The following PLEKHG4B variants were observed in gnomAD, a reference collection of about 807,000 sequenced individuals.
PLEKHG4B encodes the protein pleckstrin homology and RhoGEF domain containing G4B.
Under a neutral mutation model 121.3 loss-of-function variants are expected in PLEKHG4B, and 111 were observed. That is an observed-to-expected ratio of 0.92 (90% CI 0.78 to 1.07). The LOEUF (loss-of-function observed/expected upper bound fraction) is 1.07. PLEKHG4B is among the 50% of genes least tolerant of loss of function. The pLI is 0.00. For missense variants in PLEKHG4B, 1,831 were observed against 1,757.8 expected (o/e 1.04, Z -0.74); for synonymous variants, 738 against 725.0 (o/e 1.02, Z -0.29).
chr5:169,681 GC>G, intron 14 of PLEKHG4B, 89 bp downstream of exon 14: 2 of 1,553,970 alleles, frequency 1.3e-6, no homozygotes, highest in Non-Finnish European at 1.7e-6. Context: ...CACGTGTCAG[GC>G]GGTTGGAATA....
intron 1 of PLEKHG4B, among the ~76,000 whole-genome samples, chr5:109,974 G>A (rs3893855): frequency 0.014 from 1,995 of 138,504 alleles, 37 homozygotes; most frequent in African/African-American, 0.052. Flanking sequence ...TGCACACACC[G>A]GTTGCTCTGC....
At chr5:120,986 C>T (rs960179934) in intron 2 of PLEKHG4B, among the ~76,000 whole-genome samples, 7 of 152,146 alleles carry the variant, frequency 4.6e-5, no homozygotes, top group African/African-American at 1.7e-4. Context: ...GTGGCTCACG[C>T]CTGTAATCCC....
chr5:144,642 C>T (rs1579285576), intron 5 of PLEKHG4B, among the ~76,000 whole-genome samples, 185 bp from the exon 6 acceptor site: 1 of 152,174 alleles, frequency 6.6e-6, no homozygotes, highest in Admixed American at 6.5e-5. Context: ...ACGAGAGGAA[C>T]AACGTCAGTG....
At chr5:128,706 G>A (rs919642635) in intron 2 of PLEKHG4B, among the ~76,000 whole-genome samples, 1 of 152,220 alleles carries the variant, frequency 6.6e-6, no homozygotes, top group Non-Finnish European at 1.5e-5. Context: ...TTCTGCCAGT[G>A]CAGGTGTTGT....
intron 1 of PLEKHG4B, among the ~76,000 whole-genome samples, chr5:109,479 C>T (rs1734074950): frequency 6.6e-6 from 1 of 151,868 alleles, no homozygotes; most frequent in African/African-American, 2.4e-5. Context: ...TACCCACCCC[C>T]AGGTGCCACA....
intron 13 of PLEKHG4B, among the ~76,000 whole-genome samples, chr5:164,709 C>T (rs1362863007): frequency 2.3e-4 from 15 of 65,250 alleles, no homozygotes; most frequent in Admixed American, 4.1e-4. Context: ...AATGCTCTGA[C>T]GGGGCGGAGC....
In PLEKHG4B at chr5:126,068, T is replaced by C. The variant is rs1375239365; in HGVS notation, c.243+12620T>C. 4.6e-5 allele frequency among the ~76,000 whole-genome samples: 7 copies of C among 152,230 alleles called. No individual in the cohort carries two copies. In the South Asian group the frequency reaches 1.2e-3, roughly 27 times the overall value. The stretch of plus-strand genomic sequence containing the variant: ...TCAAAAGCTGGATTATAATGTGTTT[T>C]GGTGTGGGTCTCTTTGACTTCCTCT... On this transcript the variant is annotated intron_variant, in intron 2 of 19. Coordinates refer to ENST00000637938, the MANE Select transcript of PLEKHG4B (RefSeq NM_052909.5).
At position 125,524 on chromosome 5, in the gene PLEKHG4B, T is replaced by C. The variant is rs1292867153; in HGVS notation, c.243+12076T>C. 3.3e-5 allele frequency among the ~76,000 whole-genome samples: 5 copies of C among 152,194 alleles called. No homozygotes were observed. The East Asian group carries it at 9.6e-4, about 29-fold the overall frequency. ...ATGTCAGAAAATTACATCTTTATACTTTATTAGTATGAAGTATTACTAATT... is the reference window on the plus strand; with the variant it reads ...ATGTCAGAAAATTACATCTTTATACCTTATTAGTATGAAGTATTACTAATT... On this transcript the variant is annotated intron_variant, in intron 2 of 19. Transcript: ENST00000637938.
intron 2 of PLEKHG4B, among the ~76,000 whole-genome samples, chr5:129,747 A>G (rs1223812989): frequency 6.6e-6 from 1 of 152,178 alleles, no homozygotes; most frequent in Non-Finnish European, 1.5e-5. Flanking sequence ...CCCCATCAAG[A>G]TAGTGGTGGG....
At chr5:150,748 T>C (rs1404278073) in intron 6 of PLEKHG4B, among the ~76,000 whole-genome samples, 1 of 152,110 alleles carries the variant, frequency 6.6e-6, no homozygotes, top group Non-Finnish European at 1.5e-5. Flanking sequence ...GTAACAAAGC[T>C]TGACAGTAAC....
chr5:168,190 A>G (rs957310246), intron 13 of PLEKHG4B, among the ~76,000 whole-genome samples: 4 of 152,016 alleles, frequency 2.6e-5, no homozygotes, highest in African/African-American at 9.7e-5. Context: ...TCAGAGGCTC[A>G]CCCCTCACGG....
chr5:113,708 A>G lies in PLEKHG4B; in HGVS notation c.243+260A>G, dbSNP rs1051833869. On this transcript the variant is annotated intron_variant, in intron 2 of 19. Coordinates refer to ENST00000637938, the MANE Select transcript of PLEKHG4B (RefSeq NM_052909.5). The surrounding 1 kb of genome is among the most constrained non-coding windows in gnomAD (Gnocchi z 5.2). The stretch of plus-strand genomic sequence containing the variant: ...AACTTGCACTGCATTCTTTGAAGGA[A>G]GTAAATAAGTCATTCTTCAGAGCAG... Among the ~76,000 whole-genome samples, 1 of 152,196 alleles carries G rather than the reference A, an allele frequency of 6.6e-6. No individual in the cohort carries two copies.
At chr5:163,674 A>C (rs1366403599) in intron 13 of PLEKHG4B, 126 bp downstream of exon 13, 3 of 808,752 alleles carry the variant, frequency 3.7e-6, no homozygotes, top group Admixed American at 3.0e-5. Context: ...CTCTGGGTCC[A>C]CCTGTCCGGT....
intron 2 of PLEKHG4B, among the ~76,000 whole-genome samples, chr5:117,785 A>C (rs1734346946): frequency 6.6e-6 from 1 of 152,192 alleles, no homozygotes; most frequent in Non-Finnish European, 1.5e-5. Context: ...CCCAGGAGAT[A>C]GAAGTTGCAG....
intron 6 of PLEKHG4B, 75 bp downstream of exon 6, chr5:144,995 G>GTGGTTC: frequency 1.4e-6 from 2 of 1,407,446 alleles, no homozygotes; most frequent in Non-Finnish European, 2.0e-6. Flanking sequence ...TGCCCACATC[G>GTGGTTC]TGGTTCTGGA....
intron 2 of PLEKHG4B, among the ~76,000 whole-genome samples, chr5:134,348 TA>T (rs1338744447): frequency 2.6e-5 from 4 of 151,754 alleles, no homozygotes; most frequent in African/African-American, 9.7e-5. Flanking sequence ...AGGTGAGCGA[TA>T]AAAGACTACA....
Position 174,144 on chromosome 5 carries a change from C to G in PLEKHG4B, c.4402+46C>G, listed in dbSNP as rs368779192. ...GGGCCTGCCAGGCTCAGGGGCACAGCTAGGGGCAGGGGTCGGGGCTGGGAC... is the reference window on the plus strand; with the variant it reads ...GGGCCTGCCAGGCTCAGGGGCACAGGTAGGGGCAGGGGTCGGGGCTGGGAC... On this transcript the variant is annotated intron_variant, in intron 18 of 19. Coordinates refer to ENST00000637938, the MANE Select transcript of PLEKHG4B (RefSeq NM_052909.5). The G allele has an allele frequency of 8.7e-5, 109 of 1,258,486 alleles. No homozygotes were observed. The African/African-American group carries it at 1.7e-3, about 20-fold the overall frequency. The allele number at this position is 1,258,486 out of a possible 1,614,324, so 78.0% of individuals were successfully genotyped here.
rs761218703 is a variant in PLEKHG4B, at chr5:163,483, C to T, written c.3411C>T (p.Ser1137=). Reference sequence around the variant, plus strand: ...CCAGGAGCCCCCCGGTCACTCAGAGCCGGAGTCTGTCCTCCCCCTCGGGGC... The same window carrying T: ...CCAGGAGCCCCCCGGTCACTCAGAGTCGGAGTCTGTCCTCCCCCTCGGGGC... ...QHARSPPVTQ[S]RSLSSPSGLH... Residue 1137 remains serine, a synonymous_variant, in exon 13 of 20, where the codon AGC becomes AGT. Transcript: ENST00000637938. 9 of 1,612,648 alleles carry T rather than the reference C, an allele frequency of 5.6e-6. No individual in the cohort carries two copies. The highest frequency in any genetic ancestry group is 3.4e-4 in the Middle Eastern group (2 of 5,932).
intron 6 of PLEKHG4B, among the ~76,000 whole-genome samples, chr5:148,358 T>TAA (rs1268161755): frequency 2.1e-5 from 3 of 141,094 alleles, no homozygotes; most frequent in Middle Eastern, 3.5e-3. Flanking sequence ...AAAAAAAAAA[T>TAA]AAATAAAAAT....
Sources: gnomAD v4.1 joint callset for allele counts (sites outside exome capture counted in the v4.1 genomes callset) on GRCh38, gnomAD v4.1.1 for gene constraint, Gnocchi (gnomAD v3.1) non-coding constraint, MANE v1.5 for transcripts, NCBI Gene and HGNC (gene_info 2026-07-23, HGNC 2026-07-21) for gene names.